OR8B3: variants seen among roughly 807,000 people sequenced by gnomAD.
OR8B3 encodes the protein olfactory receptor 8B3.
For missense variants in OR8B3, 278 were observed against 377.6 expected, an observed-to-expected ratio of 0.74 and a Z score of 2.19; for synonymous variants, 102 against 135.4, an observed-to-expected ratio of 0.75 and a Z score of 1.71.
At chr11:124,402,525 G>A (rs962138829), upstream of OR8B3, among the ~76,000 whole-genome samples, 1 of 152,166 alleles carries the variant, frequency 6.6e-6, no homozygotes, top group Non-Finnish European at 1.5e-5. Context: ...CTGGTGACAC[G>A]GATATCATAT....
chr11:124,399,892 T>C (rs1414929046), upstream of OR8B3, among the ~76,000 whole-genome samples: 1 of 152,084 alleles, frequency 6.6e-6, no homozygotes, highest in Admixed American at 6.5e-5. Context: ...TCTCTTTTTT[T>C]TTTTTTTTGA....
the OR8B3 span, among the ~76,000 whole-genome samples, chr11:124,408,078 AT>A: frequency 7.9e-5 from 12 of 152,244 alleles, no homozygotes; most frequent in East Asian, 2.3e-3. Context: ...AACTTTCCAA[AT>A]TTTTGTGGCC....
At chr11:124,402,655 T>C (rs966467865), upstream of OR8B3, among the ~76,000 whole-genome samples, 1 of 152,208 alleles carries the variant, frequency 6.6e-6, no homozygotes, top group African/African-American at 2.4e-5. Flanking sequence ...GATGTGCTCT[T>C]GAGCAAAACT....
At chr11:124,399,670 G>C (rs1399148345), upstream of OR8B3, among the ~76,000 whole-genome samples, 1 of 152,106 alleles carries the variant, frequency 6.6e-6, no homozygotes, top group Non-Finnish European at 1.5e-5. Flanking sequence ...AGATTCCCTT[G>C]AACTCTTCAC....
In OR8B3 at chr11:124,398,803, ATCT is replaced by A. The variant is rs1860940364; in HGVS notation, c.-134_-132del. ...TATGTTGATCAGATGTAGTCACAGAATCTTCTTCTCCCTTGACTGGCAAAAGCA... is the reference window on the plus strand; with the variant it reads ...TATGTTGATCAGATGTAGTCACAGAATCTTCTCCCTTGACTGGCAAAAGCA... On this transcript the variant is annotated 5_prime_UTR_variant, in exon 1 of 2. Transcript: ENST00000641139. 1 of 152,212 alleles carries A rather than the reference ATCT, an allele frequency of 6.6e-6. No individual in the cohort carries two copies. Among genetic ancestry groups the A allele is most frequent in the Admixed American group, 6.5e-5 (1 of 15,282 alleles). 9.4% of individuals were successfully genotyped at this position (152,212 alleles called of 1,614,324 possible).
chr11:124,404,130 G>T, the OR8B3 span: 2 of 151,906 alleles, frequency 1.3e-5, no homozygotes, highest in African/African-American at 4.9e-5. Flanking sequence ...AGACCGTGGG[G>T]AGAGGGAGAG....
upstream of OR8B3, among the ~76,000 whole-genome samples, chr11:124,401,620 CAAAG>C (rs1301918761): frequency 5.3e-5 from 8 of 152,128 alleles, no homozygotes; most frequent in African/African-American, 1.7e-4. Context: ...TACAAAATAA[CAAAG>C]AAGCTCTAAT....
At chr11:124,399,669 T>C (rs570528092), upstream of OR8B3, among the ~76,000 whole-genome samples, 1 of 152,346 alleles carries the variant, frequency 6.6e-6, no homozygotes, top group African/African-American at 2.4e-5. Context: ...TAGATTCCCT[T>C]GAACTCTTCA....
intron 1 of OR8B3, among the ~76,000 whole-genome samples, 165 bp downstream of exon 1, chr11:124,398,525 T>C (rs763514690): frequency 5.3e-5 from 8 of 152,220 alleles, no homozygotes; most frequent in African/African-American, 9.6e-5. Flanking sequence ...TATTGCTATC[T>C]TGATACCAGG....
At chr11:124,406,793 CCACACACACACACACA>C in the OR8B3 span, among the ~76,000 whole-genome samples, 2 of 145,122 alleles carry the variant, frequency 1.4e-5, no homozygotes, top group African/African-American at 5.0e-5. Context: ...CTCCTTCTCA[CCACACACACACACACA>C]CACACACACA....
chr11:124,401,222 C>CAGACAGAGAGAG (rs1555071083), upstream of OR8B3, among the ~76,000 whole-genome samples: 1 of 142,398 alleles, frequency 7.0e-6, no homozygotes. Context: ...TGCAAAGAGA[C>CAGACAGAGAGAG]AGAGAGAGAG....
At chr11:124,408,525 G>A in the OR8B3 span, among the ~76,000 whole-genome samples, 3 of 152,152 alleles carry the variant, frequency 2.0e-5, no homozygotes, top group South Asian at 6.2e-4. Context: ...TGTTCATAAG[G>A]AGCAGAATGG....
upstream of OR8B3, among the ~76,000 whole-genome samples, chr11:124,399,726 G>C (rs1350849188): frequency 2.0e-5 from 3 of 152,130 alleles, no homozygotes; most frequent in Non-Finnish European, 2.9e-5. Flanking sequence ...TAGGACAATA[G>C]CAAAACCAGG....
chr11:124,405,370 G>T, the OR8B3 span, among the ~76,000 whole-genome samples: 1 of 152,258 alleles, frequency 6.6e-6, no homozygotes, highest in Non-Finnish European at 1.5e-5. Flanking sequence ...ACCTTATGCC[G>T]TTTCAGCACT....
Position 124,395,733 on chromosome 11 carries a change from C to G in OR8B3, c.*677G>C, listed in dbSNP as rs1473128993. The G allele has an allele frequency of 6.6e-6, 1 of 152,164 alleles. No homozygotes were observed. The highest frequency in any genetic ancestry group is 2.4e-5 in the African/African-American group (1 of 41,442). The allele number at this position is 152,164 out of a possible 1,614,324, so 9.4% of individuals were successfully genotyped here. A position where few individuals can be genotyped will look rare whatever the true frequency, so the allele number is the denominator to read the frequency against. ...CCTGAGGTCCACATGTATTATTTCTCTAATCATCCTCTGTAAATGCTGCCT... is the reference window on the plus strand; with the variant it reads ...CCTGAGGTCCACATGTATTATTTCTGTAATCATCCTCTGTAAATGCTGCCT... On this transcript the variant is annotated 3_prime_UTR_variant, in exon 2 of 2. Transcript: ENST00000641139.
At chr11:124,403,000 G>T (rs996611404), upstream of OR8B3, among the ~76,000 whole-genome samples, 3 of 152,246 alleles carry the variant, frequency 2.0e-5, no homozygotes, top group Admixed American at 2.0e-4. Context: ...TTGTGTCCCT[G>T]GGTACTTGAG....
chr11:124,399,711 G>A (rs938978955), upstream of OR8B3, among the ~76,000 whole-genome samples: 7 of 152,066 alleles, frequency 4.6e-5, no homozygotes, highest in Non-Finnish European at 1.0e-4. Flanking sequence ...TGTCTTCCAC[G>A]ACTATAGGAC....
intron 1 of OR8B3, among the ~76,000 whole-genome samples, chr11:124,397,908 T>G (rs118063562): frequency 2.8e-3 from 422 of 152,244 alleles, no homozygotes; most frequent in Non-Finnish European, 4.7e-3. Context: ...TTGGTCTGGC[T>G]GGTCTCAAAC....
the OR8B3 span, among the ~76,000 whole-genome samples, chr11:124,406,554 G>A: frequency 1.3e-5 from 2 of 151,938 alleles, no homozygotes; most frequent in East Asian, 1.9e-4. Flanking sequence ...GTTCATTATT[G>A]TCTAAATTAT....
Sources: gnomAD v4.1 joint callset for allele counts (sites outside exome capture counted in the v4.1 genomes callset) on GRCh38, gnomAD v4.1.1 for gene constraint, MANE v1.5 for transcripts, NCBI Gene and HGNC (gene_info 2026-07-23, HGNC 2026-07-21) for gene names.